Variants in ANKH observed in about 807,000 individuals in gnomAD.
ANKH encodes ANKH inorganic pyrophosphate transport regulator.
A neutral mutation model predicts 49.0 loss-of-function variants in ANKH; 15 were observed. The observed-to-expected ratio is 0.31, with a 90% CI of 0.20 to 0.47. ANKH has a LOEUF of 0.47. Ranked by LOEUF, ANKH falls within the 20% of genes least tolerant of loss-of-function variation. The pLI is 1.00. For synonymous variants in ANKH, 273 were observed against 260.0 expected, an observed-to-expected ratio of 1.05 and a Z score of -0.48; for missense variants, 429 against 652.0, an observed-to-expected ratio of 0.66 and a Z score of 3.72.
At chr5:14,845,843 CTTTTTTTTTT>C (rs59264153) in intron 1 of ANKH, among the ~76,000 whole-genome samples, 31 of 82,552 alleles carry the variant, frequency 3.8e-4, no homozygotes, top group East Asian at 8.5e-4. Context: ...CCTATGCACA[CTTTTTTTTTT>C]TTTTTTTTTT....
chr5:14,847,914 G>A (rs924251327), intron 1 of ANKH, among the ~76,000 whole-genome samples: 20 of 152,172 alleles, frequency 1.3e-4, no homozygotes, highest in South Asian at 4.1e-4. Context: ...AAGCTGAGGT[G>A]GGCGGATAAC....
At chr5:14,834,902 T>C (rs369342516) in intron 1 of ANKH, among the ~76,000 whole-genome samples, 25 of 152,220 alleles carry the variant, frequency 1.6e-4, no homozygotes, top group African/African-American at 5.1e-4. Context: ...CGTGAATTAA[T>C]AGACTTATAA....
At position 14,830,193 on chromosome 5, in the gene ANKH, T is replaced by C. The variant is rs376986847; in HGVS notation, c.96+41159A>G. Among the ~76,000 whole-genome samples, 3 of 152,222 alleles carry C rather than the reference T, an allele frequency of 2.0e-5. No individual in the cohort carries two copies. The East Asian group carries it at 5.8e-4, about 29-fold the overall frequency. On this transcript the variant is annotated intron_variant, in intron 1 of 11. Coordinates refer to ENST00000284268, the MANE Select transcript of ANKH (RefSeq NM_054027.6). ...GAAGGTAGTAAGCAAAATTGTTACA[T>C]AGACGTCCTTCTGTGTATTTGAGGC... is the stretch of plus-strand genomic sequence containing the variant.
rs766018206 is a variant in ANKH, at chr5:14,741,850, C to T, written c.988G>A (p.Val330Ile). Residue 330 changes from valine to isoleucine, a missense_variant, in exon 8 of 12, where the codon GTC becomes ATC. This residue lies in a region of ANKH where 378 missense variants were observed against 615.3 expected (regional missense o/e 0.61). Transcript: ENST00000284268. ...TAAHIKKFTF[V>I]CMALSLTLCF... ...ACCGTGAGTGACAGAGCCATGCAGA[C>T]GAAGGTGAACTTCTTGATGTGGGCT... 8 of 1,614,076 alleles carry T rather than the reference C, an allele frequency of 5.0e-6. No individual in the cohort carries two copies. The highest frequency in any genetic ancestry group is 2.2e-5 in the South Asian group (2 of 91,078).
intron 1 of ANKH, among the ~76,000 whole-genome samples, chr5:14,769,624 GGT>G (rs35815515): frequency 0.51 from 77,304 of 150,508 alleles, 20,089 homozygotes; most frequent in East Asian, 0.8. Flanking sequence ...AAGAAGGGGT[GGT>G]GTGTGTGTGT....
At chr5:14,740,780 T>C (rs2126465002) in intron 8 of ANKH, among the ~76,000 whole-genome samples, 1 of 152,378 alleles carries the variant, frequency 6.6e-6, no homozygotes, top group African/African-American at 2.4e-5. Flanking sequence ...GTTCTTGTGA[T>C]GACGGTAAGA....
rs1008201254 is a variant in ANKH, at chr5:14,737,208, G to A, written c.1011+4619C>T. 2.4e-4 allele frequency among the ~76,000 whole-genome samples: 36 copies of A among 152,162 alleles called. No individual in the cohort carries two copies. The highest frequency in any genetic ancestry group is 5.3e-4 in the African/African-American group (22 of 41,454). On this transcript the variant is annotated intron_variant, in intron 8 of 11. Coordinates refer to ENST00000284268, the MANE Select transcript of ANKH (RefSeq NM_054027.6). This position sits in a 1 kb window ranked among gnomAD's most constrained non-coding sequence, Gnocchi z 5.0. Reference sequence around the variant, plus strand: ...CTGGCATGCAGGAATAGGGAGGTCCGTCACTCTTTTGGGACATTTCTTCCC... The same window carrying A: ...CTGGCATGCAGGAATAGGGAGGTCCATCACTCTTTTGGGACATTTCTTCCC...
At chr5:14,855,593 T>C (rs1742231727) in intron 1 of ANKH, among the ~76,000 whole-genome samples, 1 of 152,172 alleles carries the variant, frequency 6.6e-6, no homozygotes, top group African/African-American at 2.4e-5. Context: ...TTATCATAAC[T>C]GTCAACAAAA....
At chr5:14,798,963 G>T (rs889997804) in intron 1 of ANKH, among the ~76,000 whole-genome samples, 2 of 152,220 alleles carry the variant, frequency 1.3e-5, no homozygotes, top group African/African-American at 4.8e-5. Context: ...CTCAGGCCAA[G>T]AAAGCTAGGC....
At position 14,820,967 on chromosome 5, in the gene ANKH, T is replaced by C. The variant is rs190631016; in HGVS notation, c.96+50385A>G. On this transcript the variant is annotated intron_variant, in intron 1 of 11. Transcript: ENST00000284268. The stretch of plus-strand genomic sequence containing the variant: ...CAAACAAATTAGCTGGGGGTGGTGG[T>C]GACACTGTAGTCCCAGCACCTCACA... Among the ~76,000 whole-genome samples, 378 of 152,054 alleles carry C rather than the reference T, an allele frequency of 2.5e-3. 7 individuals are homozygous for C. The South Asian group carries it at 0.028, about 11-fold the overall frequency.
chr5:14,833,648 G>C (rs1449576083), intron 1 of ANKH, among the ~76,000 whole-genome samples: 1 of 152,220 alleles, frequency 6.6e-6, no homozygotes, highest in African/African-American at 2.4e-5. Context: ...ATCTGCCAGA[G>C]ACCTTTCAAA....
At chr5:14,778,911 C>A (rs1739720099) in intron 1 of ANKH, among the ~76,000 whole-genome samples, 1 of 152,216 alleles carries the variant, frequency 6.6e-6, no homozygotes. Context: ...ACGCCCCCTG[C>A]ATGCTGTCAG....
At chr5:14,797,767 T>C in intron 1 of ANKH, 2 of 1,611,060 alleles carry the variant, frequency 1.2e-6, no homozygotes, top group Non-Finnish European at 8.5e-7. Context: ...TTTCCCTCCT[T>C]TGGAACGGCA....
intron 1 of ANKH, chr5:14,798,337 T>C: frequency 1.3e-6 from 2 of 1,567,962 alleles, no homozygotes; most frequent in South Asian, 2.2e-5. Flanking sequence ...TTCCATATTT[T>C]GTATTCCTTG....
intron 8 of ANKH, among the ~76,000 whole-genome samples, chr5:14,729,340 A>AC (rs1045304757): frequency 2.0e-5 from 3 of 147,958 alleles, no homozygotes; most frequent in Non-Finnish European, 3.0e-5. Flanking sequence ...GCTGTGTGCC[A>AC]CCACGCCCCA....
chr5:14,793,037 A>AATATATATATATAT (rs1267380844), intron 1 of ANKH, among the ~76,000 whole-genome samples: 36 of 56,192 alleles, frequency 6.4e-4, no homozygotes, highest in East Asian at 4.6e-3. Context: ...TATATATAAA[A>AATATATATATATAT]ATATATATAT....
intron 1 of ANKH, among the ~76,000 whole-genome samples, chr5:14,842,941 C>A (rs868802738): frequency 6.6e-6 from 1 of 152,166 alleles, no homozygotes; most frequent in South Asian, 2.1e-4. Context: ...CTATCCACCC[C>A]TCTCCTCCAT....
chr5:14,864,129 C>T (rs1735578290), intron 1 of ANKH, among the ~76,000 whole-genome samples: 1 of 152,186 alleles, frequency 6.6e-6, no homozygotes, highest in African/African-American at 2.4e-5. Flanking sequence ...TGGAGGATGG[C>T]TTTAGCCCCG....
At position 14,708,016 on chromosome 5, in the gene ANKH, CCT is replaced by C. The variant is rs1426290620; in HGVS notation, c.*3179_*3180del. 2.6e-5 allele frequency: 4 copies of C among 152,178 alleles called. No homozygotes were observed. The highest frequency in any genetic ancestry group is 9.6e-5 in the African/African-American group (4 of 41,454). 9.4% of individuals were successfully genotyped at this position (152,178 alleles called of 1,614,324 possible). Reference sequence around the variant, plus strand: ...CCAATGTGCAAATCCGTCAATACTCCCTGAGCCATGTGGCCGGCAGGTCCAAT... The same window carrying C: ...CCAATGTGCAAATCCGTCAATACTCCGAGCCATGTGGCCGGCAGGTCCAAT... On this transcript the variant is annotated 3_prime_UTR_variant, in exon 12 of 12. Transcript: ENST00000284268.
Sources: gnomAD v4.1 joint callset for allele counts (sites outside exome capture counted in the v4.1 genomes callset) on GRCh38, gnomAD v4.1.1 for gene constraint, gnomAD v4.1.1 regional missense constraint, Gnocchi (gnomAD v3.1) non-coding constraint, MANE v1.5 for transcripts, NCBI Gene and HGNC (gene_info 2026-07-23, HGNC 2026-07-21) for gene names.